TMPRSS7: variants seen among roughly 807,000 people sequenced by gnomAD.
The protein encoded by TMPRSS7 is transmembrane protease serine 7.
A neutral mutation model predicts 95.6 loss-of-function variants in TMPRSS7; 81 were observed. That is an observed-to-expected ratio of 0.85 (90% confidence interval 0.71 to 1.02). The LOEUF (loss-of-function observed/expected upper bound fraction) is 1.02, where lower values mean the gene tolerates loss of function less well. Among genes scored for constraint, TMPRSS7 ranks in the 50% least tolerant of loss-of-function variants. TMPRSS7 has a pLI of 0.00. For synonymous variants in TMPRSS7, 364 were observed against 337.8 expected, an observed-to-expected ratio of 1.08 and a Z score of -0.85; for missense variants, 945 against 955.2, an observed-to-expected ratio of 0.99 and a Z score of 0.14.
rs550809115 is a variant in TMPRSS7 at position 112,055,035 on chromosome 3, C to T, written c.1204-1990C>T. Among the ~76,000 whole-genome samples the T allele has an allele frequency of 5.9e-5, 9 of 152,102 alleles. 1 individual carries two copies. In the South Asian group the frequency reaches 1.9e-3, roughly 32 times the overall value. On this transcript the variant is annotated intron_variant, in intron 9 of 17. Coordinates refer to ENST00000452346, the Ensembl canonical transcript of TMPRSS7. ...GATGACAGGCGTGAGCCACTGCACC[C>T]GGCCAGTTTACATATTTTTTATGTG...
At chr3:112,069,003 A>G (rs148247629) in intron 13 of TMPRSS7, among the ~76,000 whole-genome samples, 1 of 152,184 alleles carries the variant, frequency 6.6e-6, no homozygotes, top group African/African-American at 2.4e-5. Context: ...TTCCATCAAT[A>G]CCTAGTTCAT....
At chr3:112,050,494 C>T (rs948032010) in intron 8 of TMPRSS7, among the ~76,000 whole-genome samples, 177 bp from the exon 9 acceptor site, 4 of 110,452 alleles carry the variant, frequency 3.6e-5, no homozygotes, top group East Asian at 3.3e-4. Flanking sequence ...TTTAGCTATA[C>T]ATCTGTAGGG....
chr3:112,056,535 A>G (rs1167376503), intron 9 of TMPRSS7, among the ~76,000 whole-genome samples: 5 of 152,146 alleles, frequency 3.3e-5, no homozygotes, highest in African/African-American at 1.2e-4. Context: ...TCATATACGT[A>G]GACAGCTTTC....
chr3:112,048,074 C>T, intron 7 of TMPRSS7, 107 bp downstream of exon 7: 3 of 1,005,344 alleles, frequency 3.0e-6, no homozygotes, highest in Non-Finnish European at 3.0e-6. Flanking sequence ...TTTTTGTGTG[C>T]ACACATGAGG....
chr3:112,049,498 G>A (rs535962514), intron 7 of TMPRSS7, among the ~76,000 whole-genome samples: 1 of 152,168 alleles, frequency 6.6e-6, no homozygotes, highest in South Asian at 2.1e-4. Flanking sequence ...ATCCATTTGC[G>A]TGATGGAGCT....
At chr3:112,044,957 C>A (rs1023109140) in intron 4 of TMPRSS7, among the ~76,000 whole-genome samples, 11 of 152,140 alleles carry the variant, frequency 7.2e-5, no homozygotes, top group African/African-American at 2.7e-4. Flanking sequence ...GCTCTGGGGG[C>A]CGACTGGAAA....
chr3:112,080,488 T>C (rs548109320), intron 17 of TMPRSS7, among the ~76,000 whole-genome samples: 12 of 151,844 alleles, frequency 7.9e-5, no homozygotes, highest in South Asian at 2.1e-4. Flanking sequence ...CTCTAAACGA[T>C]TCTTAGCACA....
exon 2 of TMPRSS7, chr3:112,038,188 T>A (rs1186818590): frequency 1.4e-6 from 1 of 702,772 alleles, no homozygotes; most frequent in South Asian, 1.5e-5. Context: ...AAAGACCCAT[T>A]GGCAAAGCCA....
At chr3:112,078,902 GC>G (rs1198777099) in intron 17 of TMPRSS7, 24 bp downstream of exon 17, 23 of 1,609,566 alleles carry the variant, frequency 1.4e-5, no homozygotes, top group Non-Finnish European at 1.8e-5. Context: ...CCTTTCCCTT[GC>G]CTAACATGTT....
At chr3:112,045,229 C>G (rs1022556408) in intron 4 of TMPRSS7, among the ~76,000 whole-genome samples, 1 of 152,162 alleles carries the variant, frequency 6.6e-6, no homozygotes, top group African/African-American at 2.4e-5. Context: ...CTCACTGCAA[C>G]GTCTGCCTCC....
chr3:112,061,962 T>C (rs373850617), intron 11 of TMPRSS7, 39 bp downstream of exon 11: 4 of 1,508,764 alleles, frequency 2.7e-6, no homozygotes, highest in Non-Finnish European at 3.6e-6. Flanking sequence ...ACTTAATACT[T>C]ACATAGAGGA....
chr3:112,072,767 C>A (rs1266888460), intron 13 of TMPRSS7, among the ~76,000 whole-genome samples: 2 of 152,260 alleles, frequency 1.3e-5, no homozygotes, highest in East Asian at 1.9e-4. Context: ...GGACGTGGGA[C>A]CTGCCAAGCC....
intron 9 of TMPRSS7, among the ~76,000 whole-genome samples, chr3:112,054,809 G>C (rs1453203038): frequency 1.7e-5 from 2 of 119,432 alleles, no homozygotes; most frequent in Admixed American, 1.3e-4. Context: ...GGCACATCTC[G>C]GCTCACTGCA....
chr3:112,044,518 TC>T (rs2073252422), intron 4 of TMPRSS7, among the ~76,000 whole-genome samples, 196 bp downstream of exon 4: 1 of 152,096 alleles, frequency 6.6e-6, no homozygotes, highest in South Asian at 2.1e-4. Flanking sequence ...ATCCACCAAA[TC>T]CCGACCTTCT....
chr3:112,076,777 G>C, intron 15 of TMPRSS7, 99 bp from the exon 16 acceptor site: 1 of 1,394,480 alleles, frequency 7.2e-7, no homozygotes, highest in East Asian at 2.3e-5. Flanking sequence ...TGGAAGTCAG[G>C]CCCTTCTTTT....
chr3:112,050,858 T>G, intron 9 of TMPRSS7, 75 bp downstream of exon 9: 2 of 732,616 alleles, frequency 2.7e-6, no homozygotes, highest in Non-Finnish European at 4.5e-6. Context: ...ATTCATTTTT[T>G]AATTACAAAA....
intron 17 of TMPRSS7, among the ~76,000 whole-genome samples, chr3:112,080,574 C>CCAT (rs1178517515): frequency 6.6e-6 from 1 of 150,436 alleles, no homozygotes; most frequent in Non-Finnish European, 1.5e-5. Context: ...ACTACTATTA[C>CCAT]CACCACCACC....
intron 5 of TMPRSS7, among the ~76,000 whole-genome samples, chr3:112,046,450 A>G (rs1273561410): frequency 6.6e-6 from 1 of 152,202 alleles, no homozygotes; most frequent in Non-Finnish European, 1.5e-5. Flanking sequence ...TTTGATTTAA[A>G]TTTTATAGAT....
intron 12 of TMPRSS7, among the ~76,000 whole-genome samples, 175 bp from the exon 13 acceptor site, chr3:112,066,217 A>G (rs1471576132): frequency 1.3e-5 from 2 of 152,346 alleles, no homozygotes; most frequent in Non-Finnish European, 2.9e-5. Flanking sequence ...TAGAAATCAC[A>G]CCAAAGTTTA....
Sources: allele counts gnomAD v4.1 joint callset (sites outside exome capture counted in the v4.1 genomes callset), GRCh38; gene constraint gnomAD v4.1.1; transcripts MANE v1.5; gene names NCBI Gene and HGNC (gene_info 2026-07-23, HGNC 2026-07-21).